Variants in UGGT2 observed in about 807,000 individuals in gnomAD.
UGGT2 encodes UDP-glucose glycoprotein glucosyltransferase 2.
A neutral mutation model predicts 192.1 loss-of-function variants in UGGT2; 180 were observed. That is an observed-to-expected ratio of 0.94 (90% CI 0.83 to 1.06). The LOEUF (loss-of-function observed/expected upper bound fraction) is 1.06. Among genes scored for constraint, UGGT2 ranks in the 50% least tolerant of loss-of-function variants. UGGT2 has a pLI of 0.00. For missense variants in UGGT2, 1,849 were observed against 1,795.7 expected (o/e 1.03, Z -0.54); for synonymous variants, 580 against 591.0 (o/e 0.98, Z 0.27).
intron 31 of UGGT2, 107 bp downstream of exon 31, chr13:95,863,522 G>T: frequency 1.2e-6 from 1 of 804,624 alleles, no homozygotes; most frequent in Non-Finnish European, 2.1e-6. Flanking sequence ...ATCCCTCCTA[G>T]ATTAGAGGAC....
chr13:95,801,902 A>G (rs1246715683), intron 38 of UGGT2, 90 bp from the exon 39 acceptor site: 15 of 1,469,310 alleles, frequency 1.0e-5, no homozygotes. Flanking sequence ...AAGCACCGGT[A>G]CTGACTGAGG....
intron 20 of UGGT2, among the ~76,000 whole-genome samples, chr13:95,911,052 A>C (rs1442871804): frequency 6.6e-6 from 1 of 152,218 alleles, no homozygotes; most frequent in Non-Finnish European, 1.5e-5. Flanking sequence ...AAACAAAGAC[A>C]CAACGTACCA....
chr13:95,954,900 A>G (rs1487156294), intron 12 of UGGT2, among the ~76,000 whole-genome samples: 1 of 152,220 alleles, frequency 6.6e-6, no homozygotes. Context: ...CAACACATAT[A>G]TGCAAATATT....
rs543610067 is a variant in UGGT2, at chr13:95,841,226, G to A, written c.4285-4024C>T. On this transcript the variant is annotated intron_variant, in intron 36 of 38. Coordinates refer to ENST00000376747, the MANE Select transcript of UGGT2 (RefSeq NM_020121.4). ...GGACTTAGAGTAAAATAAAAAACAC[G>A]GAAAATAAAAATAAAAATAAACATG... Among the ~76,000 whole-genome samples the A allele has an allele frequency of 1.2e-4, 18 of 152,170 alleles. No individual in the cohort carries two copies. In the South Asian group the frequency reaches 2.1e-3, roughly 18 times the overall value.
intron 38 of UGGT2, 70 bp from the exon 39 acceptor site, chr13:95,801,882 T>C (rs1379370538): frequency 6.3e-7 from 1 of 1,577,822 alleles, no homozygotes; most frequent in Non-Finnish European, 8.7e-7. Context: ...ATTACTTACA[T>C]ATGATGAGGA....
At chr13:95,987,912 C>A (rs953909690) in intron 8 of UGGT2, among the ~76,000 whole-genome samples, 1 of 152,110 alleles carries the variant, frequency 6.6e-6, no homozygotes, top group Non-Finnish European at 1.5e-5. Context: ...AGCTCCCTTG[C>A]CCTCAGATTT....
chr13:96,006,065 A>G (rs1376694304), intron 5 of UGGT2, among the ~76,000 whole-genome samples: 1 of 152,242 alleles, frequency 6.6e-6, no homozygotes, highest in Non-Finnish European at 1.5e-5. Context: ...ATGGAACAAA[A>G]GTCTGAAGAG....
chr13:95,845,245 T>C (rs113801679), intron 36 of UGGT2, among the ~76,000 whole-genome samples: 2,435 of 151,836 alleles, frequency 0.016, 58 homozygotes, highest in African/African-American at 0.056. Context: ...GGCGGGGTCA[T>C]AGGACAATAG....
At chr13:95,904,915 G>T (rs1275246922) in intron 20 of UGGT2, among the ~76,000 whole-genome samples, 1 of 151,472 alleles carries the variant, frequency 6.6e-6, no homozygotes, top group Non-Finnish European at 1.5e-5. Context: ...CCCACCAACA[G>T]TGTAAAAGTG....
chr13:95,993,791 C>T (rs1350064951), intron 7 of UGGT2, among the ~76,000 whole-genome samples: 2 of 152,030 alleles, frequency 1.3e-5, no homozygotes, highest in Non-Finnish European at 2.9e-5. Context: ...TAAACAAGAA[C>T]TAAAGGTGTT....
chr13:96,053,059 G>A, intron 1 of UGGT2, 96 bp downstream of exon 1: 1 of 1,379,440 alleles, frequency 7.2e-7, no homozygotes, highest in Non-Finnish European at 9.3e-7. Flanking sequence ...GAGAACCCGG[G>A]TGGGAGCCAG....
chr13:96,005,688 T>A (rs1393278510), intron 5 of UGGT2, among the ~76,000 whole-genome samples: 3 of 152,156 alleles, frequency 2.0e-5, no homozygotes, highest in Non-Finnish European at 4.4e-5. Context: ...GGCCCAAATT[T>A]ACAGTATGCC....
intron 8 of UGGT2, chr13:95,989,728 T>C (rs2051399674): frequency 6.6e-6 from 2 of 302,040 alleles, no homozygotes; most frequent in Non-Finnish European, 1.3e-5. Context: ...AATCAGTATA[T>C]ACTTTTGAAA....
intron 38 of UGGT2, among the ~76,000 whole-genome samples, chr13:95,828,051 A>G (rs1223470506): frequency 6.6e-6 from 1 of 152,042 alleles, no homozygotes; most frequent in African/African-American, 2.4e-5. Context: ...CTAGTCACAA[A>G]CTGCTCAGGG....
chr13:96,023,125 C>T lies in UGGT2; in HGVS notation c.400G>A (p.Gly134Ser). The T allele has an allele frequency of 6.3e-7, 1 of 1,592,886 alleles. No homozygotes were observed. The highest frequency in any genetic ancestry group is 8.6e-7 in the Non-Finnish European group (1 of 1,168,218). ...QIAADEPPPD[G>S]CNAFVVIHKK... Reference sequence around the variant, plus strand: ...TGAATAACCACAAATGCATTACAACCATCTGGTGGTGGCTCATCAGCTGCA... The same window carrying T: ...TGAATAACCACAAATGCATTACAACTATCTGGTGGTGGCTCATCAGCTGCA... The change falls in exon 4 of 39, where the codon GGT becomes AGT. Residue 134 changes from glycine to serine, a missense_variant. Gly to Ser is a moderately conservative substitution (Grantham distance 56). Transcript: ENST00000376747.
intron 36 of UGGT2, among the ~76,000 whole-genome samples, chr13:95,843,178 T>C (rs550522267): frequency 6.6e-6 from 1 of 152,334 alleles, no homozygotes; most frequent in South Asian, 2.1e-4. Context: ...AGTTAAACTG[T>C]AAAAGAAATC....
rs1396032999 is a variant in UGGT2, at chr13:95,989,977, T to C, written c.927A>G (p.Leu309=). ...AAGTATCTCAAAATACTATACCTTG[T>C]AGTTCCCAGACTTTCAAAGGCATCA... ...KQMMPLKVWE[L]QDLSFQAASQ... is the part of the protein sequence containing the mutation. The change falls in exon 8 of 39, where the codon CTA becomes CTG. Residue 309 remains leucine (L), a synonymous_variant. Coordinates refer to ENST00000376747, the MANE Select transcript of UGGT2 (RefSeq NM_020121.4). 2 of 1,601,686 alleles carry C rather than the reference T, an allele frequency of 1.2e-6. No individual in the cohort carries two copies. The highest frequency in any genetic ancestry group is 1.7e-5 in the Admixed American group (1 of 58,876).
At chr13:95,961,606 C>T (rs1566760728) in intron 12 of UGGT2, among the ~76,000 whole-genome samples, 3 of 151,988 alleles carry the variant, frequency 2.0e-5, no homozygotes, top group Non-Finnish European at 2.9e-5. Context: ...ATAAAGCAAA[C>T]ATTATTACAG....
chr13:95,855,632 C>T (rs1040067291), intron 34 of UGGT2, among the ~76,000 whole-genome samples: 1 of 151,738 alleles, frequency 6.6e-6, no homozygotes, highest in African/African-American at 2.4e-5. Flanking sequence ...AAACTTTCCT[C>T]CCCACCTCAG....
Sources: gnomAD v4.1 joint callset for allele counts (sites outside exome capture counted in the v4.1 genomes callset) on GRCh38, gnomAD v4.1.1 for gene constraint, MANE v1.5 for transcripts, NCBI Gene and HGNC (gene_info 2026-07-23, HGNC 2026-07-21) for gene names.